PDK1: variants seen among roughly 807,000 people sequenced by gnomAD.
The protein encoded by PDK1 is pyruvate dehydrogenase kinase 1.
Under a neutral mutation model 54.2 loss-of-function variants are expected in PDK1, and 39 were observed. The observed-to-expected ratio is 0.72, with a 90% CI of 0.56 to 0.94. The LOEUF (loss-of-function observed/expected upper bound fraction) is 0.94. Ranked by LOEUF, PDK1 falls within the 40% of genes least tolerant of loss-of-function variation. The probability of loss-of-function intolerance (pLI) is 0.00; values close to 1 mark genes in which losing one functional copy is unlikely to be tolerated. For missense variants in PDK1, 552 were observed against 566.0 expected, an observed-to-expected ratio of 0.98 and a Z score of 0.25; for synonymous variants, 221 against 207.1, an observed-to-expected ratio of 1.07 and a Z score of -0.58.
At chr2:172,568,059 C>T (rs1396881242) in intron 6 of PDK1, among the ~76,000 whole-genome samples, 5 of 152,094 alleles carry the variant, frequency 3.3e-5, no homozygotes, top group South Asian at 2.1e-4. Flanking sequence ...ATGGGCTGGG[C>T]GCAGTGGCTC....
the PDK1 span, among the ~76,000 whole-genome samples, chr2:172,689,513 T>C: frequency 2.6e-5 from 4 of 152,264 alleles, no homozygotes; most frequent in Admixed American, 2.6e-4. Context: ...AAAGTTCATA[T>C]GGAAACAAAA....
chr2:172,613,134 G>A (rs1160085847), downstream of PDK1, among the ~76,000 whole-genome samples: 1 of 152,214 alleles, frequency 6.6e-6, no homozygotes, highest in African/African-American at 2.4e-5. Flanking sequence ...CCATGATGCA[G>A]AACTGAGTCT....
At chr2:172,652,153 G>C in the PDK1 span, among the ~76,000 whole-genome samples, 40 of 152,294 alleles carry the variant, frequency 2.6e-4, no homozygotes, top group African/African-American at 8.4e-4. Flanking sequence ...GGGATGCAAG[G>C]CTGGTTCAGC....
the PDK1 span, among the ~76,000 whole-genome samples, chr2:172,653,303 C>T: frequency 1.3e-5 from 2 of 152,112 alleles, no homozygotes; most frequent in Non-Finnish European, 2.9e-5. Flanking sequence ...TTCCTTACAT[C>T]TAATACAAAA....
the PDK1 span, among the ~76,000 whole-genome samples, chr2:172,615,847 C>T: frequency 7.9e-5 from 12 of 152,302 alleles, no homozygotes; most frequent in South Asian, 1.9e-3. Context: ...TAAAAAAGAA[C>T]GTCTTTCTTA....
chr2:172,639,475 A>G, the PDK1 span, among the ~76,000 whole-genome samples: 4 of 152,176 alleles, frequency 2.6e-5, no homozygotes, highest in Admixed American at 6.5e-5. Flanking sequence ...GATGATTTAT[A>G]ATAGACTTCC....
the PDK1 span, among the ~76,000 whole-genome samples, chr2:172,650,206 T>G: frequency 6.6e-6 from 1 of 152,188 alleles, no homozygotes; most frequent in Non-Finnish European, 1.5e-5. Flanking sequence ...AGAAAAGAAT[T>G]TTCAACCCAG....
the PDK1 span, among the ~76,000 whole-genome samples, chr2:172,646,121 G>A: frequency 6.6e-6 from 1 of 152,184 alleles, no homozygotes; most frequent in African/African-American, 2.4e-5. Context: ...TTACTGAAGG[G>A]TTTGCTGTGG....
chr2:172,558,310 A>G (rs537948761), intron 1 of PDK1: 1 of 156,570 alleles, frequency 6.4e-6, no homozygotes, highest in Admixed American at 6.5e-5. Flanking sequence ...GTTAGATAAC[A>G]GATTTTCTAA....
At chr2:172,677,379 A>G in the PDK1 span, 20 of 152,344 alleles carry the variant, frequency 1.3e-4, no homozygotes, top group South Asian at 3.9e-3. Flanking sequence ...CCTTTCTTCC[A>G]GTAGCTTCCT....
At chr2:172,661,928 C>A in the PDK1 span, among the ~76,000 whole-genome samples, 1 of 152,176 alleles carries the variant, frequency 6.6e-6, no homozygotes, top group South Asian at 2.1e-4. Context: ...TGTAACAAAC[C>A]TGCGTTTGTA....
chr2:172,685,779 TCAAATTACCTC>T, the PDK1 span, among the ~76,000 whole-genome samples: 2 of 152,278 alleles, frequency 1.3e-5, no homozygotes, highest in South Asian at 4.1e-4. Context: ...TTTGTTTCTA[TCAAATTACCTC>T]CAAAATTCCA....
At chr2:172,563,696 C>G (rs147940989) in intron 3 of PDK1, among the ~76,000 whole-genome samples, 1,936 of 152,124 alleles carry the variant, frequency 0.013, 48 homozygotes, top group African/African-American at 0.043. Context: ...AGCCAGGCAT[C>G]ATGGTACATG....
chr2:172,558,969 G>A, intron 2 of PDK1, 120 bp downstream of exon 2: 2 of 1,069,308 alleles, frequency 1.9e-6, no homozygotes, highest in South Asian at 2.9e-5. Flanking sequence ...TTTTGTTTGA[G>A]ACGGAGTCTT....
the PDK1 span, among the ~76,000 whole-genome samples, chr2:172,633,791 C>T: frequency 6.7e-6 from 1 of 148,254 alleles, no homozygotes; most frequent in Non-Finnish European, 1.5e-5. Flanking sequence ...TTCTCTTTTT[C>T]CTTTCTGATA....
At chr2:172,660,773 C>T in the PDK1 span, among the ~76,000 whole-genome samples, 1 of 151,964 alleles carries the variant, frequency 6.6e-6, no homozygotes, top group Non-Finnish European at 1.5e-5. Context: ...TGGATTCCTG[C>T]TCGAGCCTCT....
At chr2:172,677,092 A>G in the PDK1 span, 1 of 152,246 alleles carries the variant, frequency 6.6e-6, no homozygotes, top group Admixed American at 6.5e-5. Flanking sequence ...TACAGTATAA[A>G]GTAAATATAA....
At chr2:172,660,215 T>A in the PDK1 span, among the ~76,000 whole-genome samples, 3 of 149,348 alleles carry the variant, frequency 2.0e-5, no homozygotes, top group Non-Finnish European at 4.5e-5. Context: ...AGTGTATCGA[T>A]CTATGTAAAA....
the PDK1 span, among the ~76,000 whole-genome samples, chr2:172,712,249 G>C: frequency 6.6e-5 from 10 of 152,326 alleles, no homozygotes; most frequent in East Asian, 1.9e-3. Context: ...TAGTTCACAA[G>C]TAATTTAACA....
Sources: gnomAD v4.1 joint callset for allele counts (sites outside exome capture counted in the v4.1 genomes callset) on GRCh38, gnomAD v4.1.1 for gene constraint, MANE v1.5 for transcripts, NCBI Gene and HGNC (gene_info 2026-07-23, HGNC 2026-07-21) for gene names.